The following BRSK1 variants were observed in gnomAD, a reference collection of about 807,000 sequenced individuals.
BRSK1 encodes the protein serine/threonine-protein kinase BRSK1.
BRSK1 carries 17 observed loss-of-function variants against 86.2 expected under a neutral mutation model. That is an observed-to-expected ratio of 0.20 (90% CI 0.14 to 0.30). The LOEUF is 0.30. Among genes scored for constraint, BRSK1 ranks in the 10% least tolerant of loss-of-function variants. The probability of loss-of-function intolerance (pLI) is 1.00; values close to 1 mark genes in which losing one functional copy is unlikely to be tolerated. For synonymous variants in BRSK1, 464 were observed against 440.1 expected (o/e 1.05, Z -0.68); for missense variants, 719 against 1,071.9 (o/e 0.67, Z 4.60).
intron 4 of BRSK1, 93 bp downstream of exon 4, chr19:55,289,713 G>C: frequency 6.7e-7 from 1 of 1,491,810 alleles, no homozygotes; most frequent in Non-Finnish European, 9.0e-7. Context: ...AAGCCATGTG[G>C]TCGGCCCCCA....
chr19:55,305,711 T>A, intron 16 of BRSK1, 125 bp downstream of exon 16: 1 of 1,433,484 alleles, frequency 7.0e-7, no homozygotes, highest in South Asian at 1.3e-5. Flanking sequence ...TGTAGTTTTA[T>A]GGCCAGAGTT....
At chr19:55,286,899 C>A (rs1290601994) in intron 1 of BRSK1, 108 bp from the exon 2 acceptor site, 6 of 982,818 alleles carry the variant, frequency 6.1e-6, no homozygotes, top group Non-Finnish European at 9.5e-6. Context: ...CATTGTTAAA[C>A]AGCCAGCCCA....
At chr19:55,288,644 G>C (rs2088359061) in intron 3 of BRSK1, among the ~76,000 whole-genome samples, 1 of 151,978 alleles carries the variant, frequency 6.6e-6, no homozygotes, top group African/African-American at 2.4e-5. Context: ...GGAGTGCAAT[G>C]GCTCGATCTC....
rs773064177 is a variant in BRSK1, at chr19:55,287,087, T to A, written c.217T>A (p.Ser73Thr). Residue 73 changes from serine to threonine, a missense_variant, in exon 2 of 19, where the codon TCG becomes ACG. By Grantham distance (58) the Ser-to-Thr change is moderately conservative (BLOSUM62 1). This residue lies in a region of BRSK1 where 71 missense variants were observed against 92.6 expected (regional missense o/e 0.77). Coordinates refer to ENST00000309383, the MANE Select transcript of BRSK1 (RefSeq NM_032430.2). The surrounding 1 kb of genome is among the most constrained non-coding windows in gnomAD (Gnocchi z 5.3). The part of the protein sequence containing the change: ...KIVNREKLSE[S>T]VLMKVEREIA... ...CGTGAACCGGGAGAAGCTGTCGGAG[T>A]CGGTGCTGATGAAGGTGTGTGCGCC... 6 of 1,607,938 alleles carry A rather than the reference T, an allele frequency of 3.7e-6. No individual in the cohort carries two copies. The highest frequency in any genetic ancestry group is 5.1e-6 in the Non-Finnish European group (6 of 1,177,816).
At chr19:55,290,259 G>T (rs2088384020) in intron 4 of BRSK1, among the ~76,000 whole-genome samples, 2 of 152,178 alleles carry the variant, frequency 1.3e-5, no homozygotes, top group South Asian at 4.1e-4. Context: ...GCCTCCTAAA[G>T]TGCTAGGATT....
intron 8 of BRSK1, chr19:55,301,928 A>C: frequency 1.3e-6 from 1 of 791,642 alleles, no homozygotes; most frequent in Non-Finnish European, 2.1e-6. Context: ...CGGCAAAGTA[A>C]TGCGGCCGGT....
chr19:55,311,955 C>T lies in BRSK1; in HGVS notation c.2224C>T (p.Arg742Ter), dbSNP rs759885128. Residue 742 changes from arginine to a stop codon, truncating the protein, a stop_gained, in exon 19 of 19, where the codon CGA (arginine) becomes TGA (stop). Coordinates refer to ENST00000309383, the MANE Select transcript of BRSK1 (RefSeq NM_032430.2). LOFTEE classifies it high-confidence loss of function. ...AQTRPAGAPP[R>*]SLQPPPGRPD... ...GACCCGGCCTGCTGGTGCCCCACCC[C>T]GAAGCCTGCAGCCCCCACCCGGCCG... 8 of 1,609,422 alleles carry T rather than the reference C, an allele frequency of 5.0e-6. No homozygotes were observed. Among genetic ancestry groups the T allele is most frequent in the Non-Finnish European group, 5.9e-6 (7 of 1,178,222 alleles).
At chr19:55,301,756 T>G in intron 8 of BRSK1, 98 bp downstream of exon 8, 1 of 1,406,718 alleles carries the variant, frequency 7.1e-7, no homozygotes, top group South Asian at 1.3e-5. Flanking sequence ...AACCTGCTCG[T>G]CAGTCCCCAG....
rs143331830 is a variant in BRSK1 at position 55,306,816 on chromosome 19, C to T, written c.2089+366C>T. Among the ~76,000 whole-genome samples the T allele has an allele frequency of 1.0e-3, 154 of 152,284 alleles. 1 individual carries two copies. The highest frequency in any genetic ancestry group is 3.6e-3 in the African/African-American group (148 of 41,558). ...ACTGTCGCAGAGCTGCAGCCCAACC[C>T]AGGCCTCCCAACTTCAGAGGAGAGA... On this transcript the variant is annotated intron_variant, in intron 17 of 18. Coordinates refer to ENST00000309383, the MANE Select transcript of BRSK1 (RefSeq NM_032430.2). The surrounding 1 kb of genome is among the most constrained non-coding windows in gnomAD (Gnocchi z 4.7).
At chr19:55,301,804 C>G in intron 8 of BRSK1, 146 bp downstream of exon 8, 2 of 1,067,026 alleles carry the variant, frequency 1.9e-6, no homozygotes, top group Non-Finnish European at 2.7e-6. Context: ...AGCCCAAGGT[C>G]CAGCACAGCT....
chr19:55,284,328 T>TG lies in BRSK1; in HGVS notation c.-109dup. 5.1e-6 allele frequency: 4 copies of TG among 786,602 alleles called. No individual in the cohort carries two copies. Among genetic ancestry groups the TG allele is most frequent in the Non-Finnish European group, 6.6e-6 (4 of 602,370 alleles). 48.7% of individuals were successfully genotyped at this position (786,602 alleles called of 1,614,324 possible). ...AGCCCCCTGGGGACCCCCGGAGAGG[T>TG]GGGGGGCAGCCGGGGGGGCCGGGAC... is the stretch of plus-strand genomic sequence containing the variant. On this transcript the variant is annotated 5_prime_UTR_variant, in exon 1 of 19. Coordinates refer to ENST00000309383, the MANE Select transcript of BRSK1 (RefSeq NM_032430.2).
At chr19:55,289,645 G>A in intron 4 of BRSK1, 25 bp downstream of exon 4, 1 of 1,610,902 alleles carries the variant, frequency 6.2e-7, no homozygotes, top group Non-Finnish European at 8.5e-7. Flanking sequence ...TGAGGGGGAG[G>A]AGGGGCTGAG....
Position 55,301,671 on chromosome 19 carries a change from G to A in BRSK1, c.825+13G>A. Reference sequence around the variant, plus strand: ...AAAAAGGCTCAGTGTGAGTTGAGGGGGGGACCGGCGGAGGGGGGAACAGTG... The same window carrying A: ...AAAAAGGCTCAGTGTGAGTTGAGGGAGGGACCGGCGGAGGGGGGAACAGTG... On this transcript the variant is annotated intron_variant, in intron 8 of 18. Transcript: ENST00000309383. 1 of 1,610,084 alleles carries A rather than the reference G, an allele frequency of 6.2e-7. No homozygotes were observed. Among genetic ancestry groups the A allele is most frequent in the Non-Finnish European group, 8.5e-7 (1 of 1,178,292 alleles).
chr19:55,294,268 G>A lies in BRSK1; in HGVS notation c.609+21G>A, dbSNP rs1843156837. ...TTAAGGTGAGTGAGGGGCGGATAGA[G>A]GGGAGAGGGGTGGAGGCAGCAGTGA... On this transcript the variant is annotated intron_variant, in intron 6 of 18. Coordinates refer to ENST00000309383, the MANE Select transcript of BRSK1 (RefSeq NM_032430.2). This position sits in a 1 kb window ranked among gnomAD's most constrained non-coding sequence, Gnocchi z 4.9. The A allele has an allele frequency of 6.2e-7, 1 of 1,614,028 alleles. No homozygotes were observed. The highest frequency in any genetic ancestry group is 1.3e-5 in the African/African-American group (1 of 74,922).
At position 55,306,101 on chromosome 19, in the gene BRSK1, T is replaced by A. The variant is rs1600190526; in HGVS notation, c.1891-151T>A. 1.4e-6 allele frequency: 1 copy of A among 714,524 alleles called. No homozygotes were observed. Among genetic ancestry groups the A allele is most frequent in the Non-Finnish European group, 2.3e-6 (1 of 431,536 alleles). 44.3% of individuals were successfully genotyped at this position (714,524 alleles called of 1,614,324 possible). On this transcript the variant is annotated intron_variant, in intron 16 of 18. Transcript: ENST00000309383. The surrounding 1 kb of genome is among the most constrained non-coding windows in gnomAD (Gnocchi z 4.7). ...CTGATAGGATAGAGAAAGCTACAAG[T>A]CCTTGCAGGCAGTGGGGCCTCCCAA...
In BRSK1 at chr19:55,284,090, GCGGGGGGGA is replaced by G; in HGVS notation, c.-351_-343del. ...CGGAGGAGAGAGGGCGCGTGGGGGGGCGGGGGGGACCTCGGCCTGCAGCATCCGCCGGCC... is the reference window on the plus strand; with the variant it reads ...CGGAGGAGAGAGGGCGCGTGGGGGGGCCTCGGCCTGCAGCATCCGCCGGCC... On this transcript the variant is annotated 5_prime_UTR_variant, in exon 1 of 19. Coordinates refer to ENST00000309383, the MANE Select transcript of BRSK1 (RefSeq NM_032430.2). 4.3e-6 allele frequency: 2 copies of G among 470,194 alleles called. No individual in the cohort carries two copies. The highest frequency in any genetic ancestry group is 6.8e-6 in the Non-Finnish European group (2 of 293,606). 29.1% of individuals were successfully genotyped at this position (470,194 alleles called of 1,614,324 possible). A position where few individuals can be genotyped will look rare whatever the true frequency, so the allele number is the denominator to read the frequency against.
chr19:55,304,117 C>A lies in BRSK1; in HGVS notation c.1347+7C>A. 1 of 1,611,080 alleles carries A rather than the reference C, an allele frequency of 6.2e-7. No homozygotes were observed. Among genetic ancestry groups the A allele is most frequent in the African/African-American group, 1.3e-5 (1 of 74,856 alleles). ...CCCTCTAAGCAGCCCAAGGGTAAGGCCAGGTCCCCAGTGGGATTTAAGAAG... is the reference window on the plus strand; with the variant it reads ...CCCTCTAAGCAGCCCAAGGGTAAGGACAGGTCCCCAGTGGGATTTAAGAAG... On this transcript the variant is annotated splice_region_variant and intron_variant, in intron 13 of 18. Transcript: ENST00000309383. This position sits in a 1 kb window ranked among gnomAD's most constrained non-coding sequence, Gnocchi z 5.2.
Position 55,299,100 on chromosome 19 carries a change from G to A in BRSK1, c.679-2412G>A, listed in dbSNP as rs564855341. Among the ~76,000 whole-genome samples the A allele has an allele frequency of 3.3e-5, 5 of 152,218 alleles. No homozygotes were observed. In the East Asian group the frequency reaches 9.7e-4, roughly 30 times the overall value. ...GAACCCGGGAGGCGGAGGCTGCAGTGAGCCGAGGTCATGCCACTGCACTCC... is the reference window on the plus strand; with the variant it reads ...GAACCCGGGAGGCGGAGGCTGCAGTAAGCCGAGGTCATGCCACTGCACTCC... On this transcript the variant is annotated intron_variant, in intron 7 of 18. Coordinates refer to ENST00000309383, the MANE Select transcript of BRSK1 (RefSeq NM_032430.2).
intron 4 of BRSK1, among the ~76,000 whole-genome samples, chr19:55,291,333 G>A (rs1221316352): frequency 6.6e-6 from 1 of 151,842 alleles, no homozygotes; most frequent in Admixed American, 6.6e-5. Context: ...GAGCTCAGGA[G>A]TTCGAGACCA....
Sources: gnomAD v4.1 joint callset for allele counts (sites outside exome capture counted in the v4.1 genomes callset) on GRCh38, gnomAD v4.1.1 for gene constraint, gnomAD v4.1.1 regional missense constraint, Gnocchi (gnomAD v3.1) non-coding constraint, MANE v1.5 for transcripts, NCBI Gene and HGNC (gene_info 2026-07-23, HGNC 2026-07-21) for gene names.